The following PAX5 variants were observed in gnomAD, a reference collection of about 807,000 sequenced individuals.
PAX5 encodes the protein paired box protein Pax-5.
PAX5 carries 9 observed loss-of-function variants against 43.7 expected under a neutral mutation model. The observed-to-expected ratio is 0.21, with a 90% CI of 0.12 to 0.36. The LOEUF is 0.36. Ranked by LOEUF, PAX5 falls within the 10% of genes least tolerant of loss-of-function variation. The pLI, the probability that PAX5 is intolerant of heterozygous loss-of-function variation, is 1.00. For synonymous variants in PAX5, 228 were observed against 214.3 expected (o/e 1.06, Z -0.56); for missense variants, 383 against 532.7 (o/e 0.72, Z 2.77).
intron 2 of PAX5, among the ~76,000 whole-genome samples, chr9:37,019,504 C>A (rs114722392): frequency 6.6e-6 from 1 of 152,218 alleles, no homozygotes; most frequent in Non-Finnish European, 1.5e-5. Flanking sequence ...CTCAAACAAG[C>A]AGCCTCCCCA....
chr9:36,864,954 G>C (rs765852527), intron 8 of PAX5, among the ~76,000 whole-genome samples: 1 of 152,246 alleles, frequency 6.6e-6, no homozygotes, highest in Non-Finnish European at 1.5e-5. Context: ...GCTGGCAGGC[G>C]GGCTGGGGTG....
At chr9:36,973,110 G>GAAAGGAAAGGAAAGGAAAGGAAAGA (rs1275555955) in intron 5 of PAX5, among the ~76,000 whole-genome samples, 1 of 88,512 alleles carries the variant, frequency 1.1e-5, no homozygotes, top group East Asian at 2.9e-4. Flanking sequence ...GAAAGGAAAG[G>GAAAGGAAAGGAAAGGAAAGGAAAGA]AAAGGAAAGG....
chr9:36,899,247 C>G (rs1036597577), intron 7 of PAX5, among the ~76,000 whole-genome samples: 2 of 152,240 alleles, frequency 1.3e-5, no homozygotes, highest in African/African-American at 4.8e-5. Flanking sequence ...CCCCCACAGT[C>G]CCATGCTCCT....
At chr9:36,981,825 T>C (rs12554848) in intron 5 of PAX5, among the ~76,000 whole-genome samples, 29,887 of 152,256 alleles carry the variant, frequency 0.2, 3,655 homozygotes, top group Middle Eastern at 0.35. Context: ...ATGGGGTCAA[T>C]AAATCATGCC....
At chr9:37,025,247 AGCCAGCCCTGGCT>A (rs1840222717) in intron 1 of PAX5, among the ~76,000 whole-genome samples, 1 of 152,224 alleles carries the variant, frequency 6.6e-6, no homozygotes. Flanking sequence ...ACCTGCCCGC[AGCCAGCCCTGGCT>A]GCCTACACAA....
intron 3 of PAX5, among the ~76,000 whole-genome samples, chr9:37,012,959 T>C (rs1839075400): frequency 6.6e-6 from 1 of 152,120 alleles, no homozygotes; most frequent in South Asian, 2.1e-4. Flanking sequence ...TAAAAAAATA[T>C]ATAGATTAAG....
At chr9:37,012,393 A>G (rs970251790) in intron 3 of PAX5, among the ~76,000 whole-genome samples, 5 of 152,146 alleles carry the variant, frequency 3.3e-5, no homozygotes, top group Non-Finnish European at 7.4e-5. Flanking sequence ...CTCTGTTGCT[A>G]CAACTGCCAC....
chr9:37,001,115 G>A (rs908837120), intron 5 of PAX5, among the ~76,000 whole-genome samples: 1 of 152,166 alleles, frequency 6.6e-6, no homozygotes, highest in Non-Finnish European at 1.5e-5. Flanking sequence ...TTCTGACCAC[G>A]CTATACCTTG....
rs939773614 is a variant in PAX5, at chr9:36,840,539, G to A, written c.*21C>T. ...CCTCAATAGGTGCCATCAGTGTTTG[G>A]TGCCCGCCTGGCTCCAAGGGTCAGT... On this transcript the variant is annotated 3_prime_UTR_variant, in exon 10 of 10. Coordinates refer to ENST00000358127, the MANE Select transcript of PAX5 (RefSeq NM_016734.3). The A allele has an allele frequency of 3.2e-6, 5 of 1,571,940 alleles. No homozygotes were observed. The highest frequency in any genetic ancestry group is 4.3e-6 in the Non-Finnish European group (5 of 1,158,978).
intron 7 of PAX5, among the ~76,000 whole-genome samples, chr9:36,892,513 C>T (rs374103334): frequency 3.9e-4 from 60 of 152,318 alleles, no homozygotes; most frequent in African/African-American, 1.4e-3. Context: ...AGATAAGGTA[C>T]TCAGCTCTTA....
intron 8 of PAX5, among the ~76,000 whole-genome samples, chr9:36,858,163 T>C (rs1823855286): frequency 6.6e-6 from 1 of 152,268 alleles, no homozygotes; most frequent in Non-Finnish European, 1.5e-5. Context: ...CCTTTGTGAA[T>C]TGAAAAGTAT....
rs1837325254 is a variant in PAX5, at chr9:36,995,626, C to G, written c.604+7022G>C. 2.0e-5 allele frequency among the ~76,000 whole-genome samples: 3 copies of G among 152,210 alleles called. No homozygotes were observed. In the South Asian group the frequency reaches 6.2e-4, roughly 31 times the overall value. ...GGCAAGGGATGCCAAGGATTTTCCA[C>G]AGAGCCATCCTCTCTCTCTAGGTTT... is the stretch of plus-strand genomic sequence containing the variant. On this transcript the variant is annotated intron_variant, in intron 5 of 9. Transcript: ENST00000358127.
At chr9:37,028,959 G>T (rs919013250) in intron 1 of PAX5, among the ~76,000 whole-genome samples, 2 of 152,228 alleles carry the variant, frequency 1.3e-5, no homozygotes, top group Non-Finnish European at 2.9e-5. Context: ...CCTTGAAAAG[G>T]AAGCGTGTGA....
rs1821815115 is a variant in PAX5 at position 36,838,690 on chromosome 9, C to T, written c.*1870G>A. On this transcript the variant is annotated 3_prime_UTR_variant, in exon 10 of 10. Transcript: ENST00000358127. ...CAAATATTATTGGGCCTCAGGTGCCCACCCCCATCTGCTTGCTTGGAAGTG... is the reference window on the plus strand; with the variant it reads ...CAAATATTATTGGGCCTCAGGTGCCTACCCCCATCTGCTTGCTTGGAAGTG... The T allele has an allele frequency of 4.3e-6, 1 of 233,204 alleles. No individual in the cohort carries two copies. Among genetic ancestry groups the T allele is most frequent in the Non-Finnish European group, 8.5e-6 (1 of 117,988 alleles). The allele number at this position is 233,204 out of a possible 1,614,324, so 14.4% of individuals were successfully genotyped here. A position where few individuals can be genotyped will look rare whatever the true frequency, so the allele number is the denominator to read the frequency against.
chr9:37,000,752 T>C (rs968311400), intron 5 of PAX5, among the ~76,000 whole-genome samples: 1 of 152,222 alleles, frequency 6.6e-6, no homozygotes, highest in African/African-American at 2.4e-5. Flanking sequence ...CCTTTTATCC[T>C]AGGCCACTCT....
chr9:37,026,742 C>G (rs1840421955), intron 1 of PAX5: 1 of 984,792 alleles, frequency 1.0e-6, no homozygotes, highest in South Asian at 4.7e-5. Flanking sequence ...TGCTGGAGAC[C>G]GCCCGGAGCT....
intron 8 of PAX5, among the ~76,000 whole-genome samples, chr9:36,872,828 G>C (rs10814464): frequency 0.2 from 30,481 of 152,158 alleles, 3,191 homozygotes; most frequent in African/African-American, 0.27. Flanking sequence ...CCTGGGCAGA[G>C]CCTGCCCTCT....
intron 7 of PAX5, among the ~76,000 whole-genome samples, chr9:36,893,239 G>C (rs1284254524): frequency 6.6e-6 from 1 of 152,216 alleles, no homozygotes. Context: ...CCCCACTGCA[G>C]CCGCTCTCAG....
chr9:36,949,131 G>A lies in PAX5; in HGVS notation c.780+17418C>T, dbSNP rs931294771. Among the ~76,000 whole-genome samples, 40 of 152,130 alleles carry A rather than the reference G, an allele frequency of 2.6e-4. 1 individual carries two copies. Among genetic ancestry groups the A allele is most frequent in the Admixed American group, 2.1e-3 (32 of 15,288 alleles). On this transcript the variant is annotated intron_variant, in intron 6 of 9. Coordinates refer to ENST00000358127, the MANE Select transcript of PAX5 (RefSeq NM_016734.3). The stretch of plus-strand genomic sequence containing the variant: ...GGCTGGAGTGCAGTGGCACAATCTC[G>A]GCTCACTGCAACCTCTGCCTCCGGG...
Sources: gnomAD v4.1 joint callset for allele counts (sites outside exome capture counted in the v4.1 genomes callset) on GRCh38, gnomAD v4.1.1 for gene constraint, MANE v1.5 for transcripts, NCBI Gene and HGNC (gene_info 2026-07-23, HGNC 2026-07-21) for gene names.